The following CFAP47 variants were observed in gnomAD, a reference collection of about 807,000 sequenced individuals.
CFAP47 encodes the protein cilia- and flagella-associated protein 47.
CFAP47 carries 29 observed loss-of-function variants against 148.1 expected under a neutral mutation model. That is an observed-to-expected ratio of 0.20 (90% CI 0.15 to 0.27). CFAP47 has a LOEUF of 0.27. Ranked by LOEUF, CFAP47 falls within the 10% of genes least tolerant of loss-of-function variation. CFAP47 has a pLI of 1.00. For missense variants in CFAP47, 1,872 were observed against 1,697.5 expected, an observed-to-expected ratio of 1.10 and a Z score of -1.81; for synonymous variants, 664 against 577.3, an observed-to-expected ratio of 1.15 and a Z score of -2.15.
Position 36,306,895 on chromosome X carries a change from G to T in CFAP47, c.8187+19G>T. 1.2e-6 allele frequency: 1 copy of T among 823,198 alleles called. No individual in the cohort carries two copies. Among genetic ancestry groups the T allele is most frequent in the Non-Finnish European group, 1.7e-6 (1 of 600,594 alleles). The allele number at this position is 823,198 out of a possible 1,213,427, so 67.8% of individuals were successfully genotyped here. A position where few individuals can be genotyped will look rare whatever the true frequency, so the allele number is the denominator to read the frequency against. On this transcript the variant is annotated intron_variant, in intron 55 of 63. Coordinates refer to ENST00000378653, the MANE Select transcript of CFAP47 (RefSeq NM_001304548.2). ...TACTCAGGTATGATAGAGTATTCTT[G>T]GACCAAACCAAGTTAATTAAATTTT...
chrX:36,143,573 A>G (rs113719003), intron 35 of CFAP47, among the ~76,000 whole-genome samples: 3 of 111,706 alleles, frequency 2.7e-5, no homozygotes, highest in African/African-American at 6.5e-5. Context: ...TTGTTTGTCT[A>G]TTAATGGTGT....
chrX:36,140,714 C>T (rs1377377388), intron 35 of CFAP47, among the ~76,000 whole-genome samples: 1 of 111,878 alleles, frequency 8.9e-6, no homozygotes, highest in Non-Finnish European at 1.9e-5. Context: ...CAGCAATGGA[C>T]TTAATTATTA....
intron 45 of CFAP47, among the ~76,000 whole-genome samples, chrX:36,219,777 T>C (rs1940195293): frequency 9.0e-6 from 1 of 111,435 alleles, no homozygotes; most frequent in Non-Finnish European, 1.9e-5. Context: ...TGTCCCACCT[T>C]TGCCCACCTT....
At chrX:35,977,676 G>T (rs1310337350) in intron 15 of CFAP47, among the ~76,000 whole-genome samples, 1 of 111,439 alleles carries the variant, frequency 9.0e-6, no homozygotes, top group African/African-American at 3.3e-5. Flanking sequence ...GACGAGTCCT[G>T]GTTTGTAGAA....
Position 36,087,008 on chromosome X carries a change from A to C in CFAP47, c.4916+1470A>C, listed in dbSNP as rs1268929946. Among the ~76,000 whole-genome samples the C allele has an allele frequency of 2.7e-5, 3 of 111,717 alleles. No individual in the cohort carries two copies. The East Asian group carries it at 8.5e-4, about 32-fold the overall frequency. ...GACATCAGCAGCATATGCCCACATG[A>C]CACAGACATTTCAGGCAGAGAAGAG... On this transcript the variant is annotated intron_variant, in intron 30 of 63. Coordinates refer to ENST00000378653, the MANE Select transcript of CFAP47 (RefSeq NM_001304548.2).
At position 36,017,425 on chromosome X, in the gene CFAP47, A is replaced by C. The variant is rs60525380; in HGVS notation, c.3556+2513A>C. On this transcript the variant is annotated intron_variant, in intron 22 of 63. Transcript: ENST00000378653. Reference sequence around the variant, plus strand: ...CGTTTGTCCAGTTTTGCTTTGGTTGACTGTGCTTATGAGTATTATTCAAGA... The same window carrying C: ...CGTTTGTCCAGTTTTGCTTTGGTTGCCTGTGCTTATGAGTATTATTCAAGA... 5.5e-3 allele frequency among the ~76,000 whole-genome samples: 612 copies of C among 112,171 alleles called. 6 individuals are homozygous for C. Among genetic ancestry groups the C allele is most frequent in the African/African-American group, 0.019 (585 of 30,929 alleles).
intron 33 of CFAP47, among the ~76,000 whole-genome samples, chrX:36,108,634 C>T (rs1468773859): frequency 9.0e-6 from 1 of 111,595 alleles, no homozygotes; most frequent in Non-Finnish European, 1.9e-5. Context: ...CTTAGTTCTT[C>T]ATAAAACACA....
intron 23 of CFAP47, among the ~76,000 whole-genome samples, chrX:36,031,624 A>G (rs1169318192): frequency 9.1e-6 from 1 of 110,029 alleles, no homozygotes; most frequent in Admixed American, 9.8e-5. Context: ...AATAAGTTTA[A>G]TATAATTAAA....
intron 57 of CFAP47, among the ~76,000 whole-genome samples, chrX:36,345,642 T>G (rs73631106): frequency 0.018 from 2,045 of 111,761 alleles, 45 homozygotes; most frequent in African/African-American, 0.063. Context: ...AAGGGGACTT[T>G]GGGCAAGTTA....
At chrX:36,225,237 A>G (rs192256297) in intron 45 of CFAP47, among the ~76,000 whole-genome samples, 7 of 111,967 alleles carry the variant, frequency 6.3e-5, no homozygotes, top group Admixed American at 9.5e-5. Context: ...AACCCACATA[A>G]CATATGTCTA....
chrX:36,123,167 C>T (rs1206478118), intron 33 of CFAP47, among the ~76,000 whole-genome samples: 2 of 112,273 alleles, frequency 1.8e-5, no homozygotes, highest in East Asian at 5.7e-4. Flanking sequence ...GTCTTGTTCT[C>T]TTTTCTGAGA....
intron 4 of CFAP47, among the ~76,000 whole-genome samples, chrX:35,949,085 A>T (rs1180037403): frequency 1.9e-5 from 2 of 107,919 alleles, no homozygotes; most frequent in Non-Finnish European, 3.8e-5. Flanking sequence ...CAATATAATG[A>T]GCCATCACCA....
chrX:36,024,939 T>G lies in CFAP47; in HGVS notation c.3557-6314T>G, dbSNP rs374455526. 5.4e-5 allele frequency among the ~76,000 whole-genome samples: 6 copies of G among 111,438 alleles called. No homozygotes were observed. In the South Asian group the frequency reaches 1.9e-3, roughly 36 times the overall value. On this transcript the variant is annotated intron_variant, in intron 22 of 63. Coordinates refer to ENST00000378653, the MANE Select transcript of CFAP47 (RefSeq NM_001304548.2). ...CAGGGAGGACCTTCTGTTTCAACAT[T>G]TTGCTGCACTCATTCTCTCTCTGTT...
chrX:36,343,345 A>G (rs1160230400), intron 57 of CFAP47, among the ~76,000 whole-genome samples: 1 of 112,258 alleles, frequency 8.9e-6, no homozygotes, highest in East Asian at 2.8e-4. Flanking sequence ...GTTCATCATC[A>G]CTGGTCATTA....
intron 48 of CFAP47, among the ~76,000 whole-genome samples, chrX:36,238,755 C>T (rs782429741): frequency 2.4e-4 from 27 of 111,993 alleles, no homozygotes; most frequent in South Asian, 1.1e-3. Context: ...TCAAGTTTCA[C>T]GCATCAAAAG....
chrX:36,285,030 G>A (rs1315300240), intron 50 of CFAP47, among the ~76,000 whole-genome samples: 1 of 111,333 alleles, frequency 9.0e-6, no homozygotes, highest in Non-Finnish European at 1.9e-5. Flanking sequence ...GTTATCATCA[G>A]GGGCAGAATT....
chrX:36,304,124 G>A (rs1556008371), intron 54 of CFAP47, among the ~76,000 whole-genome samples, 164 bp downstream of exon 54: 4 of 111,828 alleles, frequency 3.6e-5, no homozygotes, highest in Admixed American at 1.9e-4. Context: ...GCTCATGCCT[G>A]TAATCCCAGC....
intron 13 of CFAP47, among the ~76,000 whole-genome samples, chrX:35,974,926 A>G (rs1215438353): frequency 9.0e-6 from 1 of 111,359 alleles, no homozygotes; most frequent in Non-Finnish European, 1.9e-5. Context: ...TATAATTAGA[A>G]TATATTTATA....
At chrX:36,232,482 C>A (rs1267129117) in intron 46 of CFAP47, among the ~76,000 whole-genome samples, 1 of 111,138 alleles carries the variant, frequency 9.0e-6, no homozygotes, top group African/African-American at 3.3e-5. Flanking sequence ...TTTTTTATTG[C>A]GTCTATTTGA....
Sources: allele counts gnomAD v4.1 joint callset (sites outside exome capture counted in the v4.1 genomes callset), GRCh38; gene constraint gnomAD v4.1.1; transcripts MANE v1.5; gene names NCBI Gene and HGNC (gene_info 2026-07-23, HGNC 2026-07-21).